The following RAI2 variants were observed in gnomAD, a reference collection of about 807,000 sequenced individuals.
RAI2 encodes retinoic acid induced 2.
Under a neutral mutation model 15.3 loss-of-function variants are expected in RAI2, and 5 were observed. The ratio of observed to expected loss-of-function variants is 0.33; its 90% CI spans 0.17 to 0.69. RAI2 has a LOEUF of 0.69. Ranked by LOEUF, RAI2 falls within the 30% of genes least tolerant of loss-of-function variation. The probability of loss-of-function intolerance (pLI) is 0.69; values close to 1 mark genes in which losing one functional copy is unlikely to be tolerated. For synonymous variants in RAI2, 191 were observed against 184.0 expected (o/e 1.04, Z -0.31); for missense variants, 424 against 424.7 (o/e 1.00, Z 0.01).
chrX:17,860,932 G>A (rs1026864115), intron 1 of RAI2, among the ~76,000 whole-genome samples, 166 bp downstream of exon 1: 20 of 104,461 alleles, frequency 1.9e-4, no homozygotes, highest in Admixed American at 1.1e-3. Flanking sequence ...CCTCCCAGCC[G>A]GCCCCGGCCT....
chrX:17,800,513 T>G lies in RAI2; in HGVS notation c.1498A>C (p.Asn500His). The G allele has an allele frequency of 1.7e-6, 2 of 1,211,254 alleles. No individual in the cohort carries two copies. Among genetic ancestry groups the G allele is most frequent in the Non-Finnish European group, 2.2e-6 (2 of 895,241 alleles). ...ACTTTCTTTAACTTTATGCTCCGGT[T>G]TTTGATGGGTTTCCTAAGGGGCTCT... ...NAEPLRKPIKNRSIKLKKVNS... is the reference protein window; with the variant it reads ...NAEPLRKPIKHRSIKLKKVNS... Residue 500 changes from asparagine to histidine, a missense_variant, in exon 2 of 2, where the codon AAC becomes CAC. Coordinates refer to ENST00000451717, the MANE Select transcript of RAI2 (RefSeq NM_021785.6).
chrX:17,828,233 C>A (rs962693294), intron 1 of RAI2, among the ~76,000 whole-genome samples: 1 of 110,660 alleles, frequency 9.0e-6, no homozygotes, highest in African/African-American at 3.3e-5. Context: ...GTAAGGCCAT[C>A]AAAGGCAGGC....
rs192306926 is a variant in RAI2 at position 17,804,759 on chromosome X, A to C, written c.-24-2725T>G. Among the ~76,000 whole-genome samples the C allele has an allele frequency of 2.0e-3, 223 of 112,544 alleles. 1 individual carries two copies. Among genetic ancestry groups the C allele is most frequent in the Non-Finnish European group, 3.2e-3 (173 of 53,274 alleles). On this transcript the variant is annotated intron_variant, in intron 1 of 1. Coordinates refer to ENST00000451717, the MANE Select transcript of RAI2 (RefSeq NM_021785.6). ...GCTTCTCTCAATCCCCTCCCAAAGG[A>C]AAGAAGACAAACTTCTGGATGCCTC...
chrX:17,837,456 G>A (rs192376209), intron 1 of RAI2: 2 of 112,098 alleles, frequency 1.8e-5, no homozygotes, highest in Admixed American at 1.9e-4. Flanking sequence ...GGCTTCTAAT[G>A]GGAAATCTTG....
chrX:17,848,491 T>TA (rs369711833), intron 1 of RAI2, among the ~76,000 whole-genome samples: 590 of 89,382 alleles, frequency 6.6e-3, no homozygotes, highest in South Asian at 0.04. Flanking sequence ...CACCTGTATC[T>TA]AAAAAAAAAA....
chrX:17,831,807 C>G (rs1219912369), intron 1 of RAI2, among the ~76,000 whole-genome samples: 2 of 112,310 alleles, frequency 1.8e-5, no homozygotes, highest in Non-Finnish European at 3.8e-5. Flanking sequence ...ATCCTCCACC[C>G]TCTTTGTTGA....
chrX:17,824,709 G>A (rs1312317611), intron 1 of RAI2, among the ~76,000 whole-genome samples: 3 of 112,224 alleles, frequency 2.7e-5, no homozygotes, highest in Non-Finnish European at 5.6e-5. Context: ...GCAATTTGAA[G>A]CCTTGTCCAA....
At chrX:17,841,753 A>G (rs1350237630) in intron 1 of RAI2, among the ~76,000 whole-genome samples, 2 of 112,273 alleles carry the variant, frequency 1.8e-5, no homozygotes, top group African/African-American at 6.5e-5. Flanking sequence ...ACACAATTAC[A>G]ATGCAGCCAG....
At chrX:17,817,004 G>T (rs961422725) in intron 1 of RAI2, among the ~76,000 whole-genome samples, 3 of 111,563 alleles carry the variant, frequency 2.7e-5, no homozygotes, top group Non-Finnish European at 5.7e-5. Context: ...GGAGCCACAG[G>T]ATGGAAGGGC....
At chrX:17,831,898 T>C (rs1263297084) in intron 1 of RAI2, among the ~76,000 whole-genome samples, 12 of 112,385 alleles carry the variant, frequency 1.1e-4, no homozygotes, top group Non-Finnish European at 1.9e-5. Context: ...GCTAAGGAAA[T>C]CATGAACTTG....
intron 1 of RAI2, among the ~76,000 whole-genome samples, chrX:17,840,335 T>A (rs1245539806): frequency 9.0e-6 from 1 of 111,268 alleles, no homozygotes; most frequent in African/African-American, 3.3e-5. Context: ...GAGAGCCTAC[T>A]CAATGCCACC....
At chrX:17,808,348 T>C (rs780224480) in intron 1 of RAI2, among the ~76,000 whole-genome samples, 1 of 110,718 alleles carries the variant, frequency 9.0e-6, no homozygotes, top group Non-Finnish European at 1.9e-5. Flanking sequence ...TGTATGCACA[T>C]TAAAGTCTGA....
intron 1 of RAI2, among the ~76,000 whole-genome samples, chrX:17,809,781 T>A (rs919168370): frequency 9.1e-6 from 1 of 110,467 alleles, no homozygotes; most frequent in Non-Finnish European, 1.9e-5. Context: ...TTTTTTTGTG[T>A]TTTTGGGGGG....
At chrX:17,851,960 G>A (rs2067540571) in intron 1 of RAI2, among the ~76,000 whole-genome samples, 1 of 111,788 alleles carries the variant, frequency 8.9e-6, no homozygotes, top group Non-Finnish European at 1.9e-5. Context: ...ATTATTTTGA[G>A]GAACAACATA....
chrX:17,842,239 A>C (rs2067406372), intron 1 of RAI2, among the ~76,000 whole-genome samples: 1 of 111,493 alleles, frequency 9.0e-6, no homozygotes, highest in South Asian at 3.9e-4. Flanking sequence ...CCCACAGTCC[A>C]TGGAAAACCA....
intron 1 of RAI2, among the ~76,000 whole-genome samples, chrX:17,816,097 G>A (rs908636711): frequency 4.5e-5 from 4 of 89,627 alleles, no homozygotes; most frequent in South Asian, 1.1e-3. Context: ...CCTCTCACAC[G>A]CACACTGACA....
intron 1 of RAI2, among the ~76,000 whole-genome samples, chrX:17,859,169 G>A (rs1208882949): frequency 5.4e-5 from 6 of 111,062 alleles, no homozygotes; most frequent in African/African-American, 2.0e-4. Context: ...CCTCCATACT[G>A]TCCCCTTCCG....
intron 1 of RAI2, among the ~76,000 whole-genome samples, chrX:17,807,009 G>C (rs2066988248): frequency 9.0e-6 from 1 of 111,408 alleles, no homozygotes; most frequent in Non-Finnish European, 1.9e-5. Flanking sequence ...GTGAGATTTG[G>C]GTGGGGATAC....
At chrX:17,846,113 C>G (rs1284709343) in intron 1 of RAI2, among the ~76,000 whole-genome samples, 3 of 111,479 alleles carry the variant, frequency 2.7e-5, no homozygotes, top group African/African-American at 9.8e-5. Context: ...ATGTTCTTGC[C>G]TTTTCTATTC....
Sources: allele counts gnomAD v4.1 joint callset (sites outside exome capture counted in the v4.1 genomes callset), GRCh38; gene constraint gnomAD v4.1.1; transcripts MANE v1.5; gene names NCBI Gene and HGNC (gene_info 2026-07-23, HGNC 2026-07-21).